SCN8A: variants seen among roughly 807,000 people sequenced by gnomAD.
The protein encoded by SCN8A is sodium voltage-gated channel alpha subunit 8.
Under a neutral mutation model 184.1 loss-of-function variants are expected in SCN8A, and 30 were observed. The ratio of observed to expected loss-of-function variants is 0.16; its 90% CI spans 0.12 to 0.22. SCN8A has a LOEUF of 0.22. Ranked by LOEUF, SCN8A falls within the 10% of genes least tolerant of loss-of-function variation. SCN8A has a pLI of 1.00. For synonymous variants in SCN8A, 852 were observed against 907.0 expected (o/e 0.94, Z 1.09); for missense variants, 1,057 against 2,498.9 (o/e 0.42, Z 12.30).
intron 1 of SCN8A, among the ~76,000 whole-genome samples, chr12:51,627,444 C>T (rs113360229): frequency 2.6e-5 from 4 of 152,170 alleles, no homozygotes; most frequent in East Asian, 3.8e-4. Context: ...TACAGTGGCA[C>T]GATCTCGGCT....
chr12:51,807,392 C>A lies in SCN8A; in HGVS notation c.5906C>A (p.Ala1969Asp). ...QRAEEGRRER[A>D]KRQKEVRESK... ...GCAGAGGAAGGAAGAAGGGAAAGAGCCAAAAGACAAAAAGAGGTCAGAGAA... is the reference window on the plus strand; with the variant it reads ...GCAGAGGAAGGAAGAAGGGAAAGAGACAAAAGACAAAAAGAGGTCAGAGAA... The change falls in exon 27 of 27, where the codon GCC (alanine) becomes GAC (aspartate). Residue 1969 changes from alanine (A) to aspartate (D), a missense_variant. Ala to Asp is a moderately radical substitution (Grantham distance 126, BLOSUM62 -2). Around this residue, in one of 19 missense-constraint regions of SCN8A, gnomAD observed 95 missense variants for 140.2 expected, o/e 0.68. Transcript: ENST00000627620. This position sits in a 1 kb window ranked among gnomAD's most constrained non-coding sequence, Gnocchi z 4.5. The A allele has an allele frequency of 6.2e-7, 1 of 1,612,308 alleles. No individual in the cohort carries two copies. The highest frequency in any genetic ancestry group is 8.5e-7 in the Non-Finnish European group (1 of 1,179,112).
At chr12:51,709,008 G>C (rs1480416652) in intron 11 of SCN8A, among the ~76,000 whole-genome samples, 2 of 152,144 alleles carry the variant, frequency 1.3e-5, no homozygotes, top group African/African-American at 4.8e-5. Context: ...GATATGCTGG[G>C]GGTGTTAGAA....
At chr12:51,737,271 G>A (rs966100229) in intron 12 of SCN8A, among the ~76,000 whole-genome samples, 3 of 152,190 alleles carry the variant, frequency 2.0e-5, no homozygotes, top group Non-Finnish European at 4.4e-5. Flanking sequence ...GGAAGAAAAA[G>A]CCACTCTACT....
intron 11 of SCN8A, among the ~76,000 whole-genome samples, chr12:51,720,608 A>AATC (rs1277889096): frequency 1.3e-5 from 2 of 152,162 alleles, no homozygotes; most frequent in African/African-American, 4.8e-5. Context: ...GTATAATAAT[A>AATC]ATAAAAGAAA....
intron 1 of SCN8A, among the ~76,000 whole-genome samples, chr12:51,617,157 G>A (rs1939857967): frequency 6.6e-6 from 1 of 151,986 alleles, no homozygotes; most frequent in African/African-American, 2.4e-5. Flanking sequence ...TCTTAAATTT[G>A]GGAAGTTTTA....
At chr12:51,804,940 G>GAA (rs1029360724) in intron 26 of SCN8A, among the ~76,000 whole-genome samples, 24 of 119,172 alleles carry the variant, frequency 2.0e-4, no homozygotes, top group Admixed American at 1.7e-3. Flanking sequence ...AAGATACTTT[G>GAA]AAAATTGCTA....
chr12:51,656,344 A>C (rs548944987), intron 1 of SCN8A, among the ~76,000 whole-genome samples: 1 of 152,326 alleles, frequency 6.6e-6, no homozygotes, highest in East Asian at 1.9e-4. Flanking sequence ...GAAAGGTAAA[A>C]TAATAAAGAT....
At chr12:51,706,363 T>G in intron 10 of SCN8A, 59 bp from the exon 11 acceptor site, 1 of 1,463,380 alleles carries the variant, frequency 6.8e-7, no homozygotes, top group East Asian at 2.4e-5. Flanking sequence ...ACTGGTTGGC[T>G]TTGGGTGGCT....
Position 51,675,316 on chromosome 12 carries a change from T to TGTAG in SCN8A, c.277-8855_277-8852dup, listed in dbSNP as rs1186307855. ...CAGGAAGGGTGGCAGCTACTCCAAA[T>TGTAG]GTAGGTTGGAGAGCATGGGGTTACA... On this transcript the variant is annotated intron_variant, in intron 2 of 26. Coordinates refer to ENST00000627620, the MANE Select transcript of SCN8A (RefSeq NM_001330260.2). Among the ~76,000 whole-genome samples the TGTAG allele has an allele frequency of 4.1e-4, 62 of 152,118 alleles. 1 individual carries two copies. Among genetic ancestry groups the TGTAG allele is most frequent in the African/African-American group, 1.5e-3 (61 of 41,412 alleles).
intron 21 of SCN8A, among the ~76,000 whole-genome samples, chr12:51,785,647 A>G (rs1336879399): frequency 6.6e-6 from 1 of 152,166 alleles, no homozygotes; most frequent in Non-Finnish European, 1.5e-5. Context: ...TTGATTCCTA[A>G]GGGGTTTTTT....
At chr12:51,727,842 C>T (rs1367856258) in intron 12 of SCN8A, among the ~76,000 whole-genome samples, 8 of 151,948 alleles carry the variant, frequency 5.3e-5, no homozygotes, top group South Asian at 2.1e-4. Flanking sequence ...CTCAGCTACT[C>T]GAGAGGCTGA....
intron 1 of SCN8A, among the ~76,000 whole-genome samples, chr12:51,640,416 C>T (rs1478908792): frequency 6.6e-6 from 1 of 151,424 alleles, no homozygotes; most frequent in Non-Finnish European, 1.5e-5. Context: ...TATGCCTGTA[C>T]TTTAAAGTAG....
intron 1 of SCN8A, among the ~76,000 whole-genome samples, chr12:51,658,825 T>C (rs987942770): frequency 2.0e-5 from 3 of 152,202 alleles, no homozygotes; most frequent in Non-Finnish European, 4.4e-5. Flanking sequence ...TTTTAAAAAA[T>C]ACGAGATGCT....
intron 1 of SCN8A, among the ~76,000 whole-genome samples, chr12:51,647,836 A>G (rs77637824): frequency 2.0e-5 from 3 of 152,186 alleles, no homozygotes; most frequent in Admixed American, 6.5e-5. Context: ...CTCTTCTCCT[A>G]TGATAAGAGC....
At chr12:51,774,440 T>C in intron 20 of SCN8A, 78 bp downstream of exon 20, 2 of 1,375,648 alleles carry the variant, frequency 1.5e-6, no homozygotes, top group East Asian at 2.3e-5. Flanking sequence ...CTAATGGCAG[T>C]AGCTGCCCTG....
intron 2 of SCN8A, among the ~76,000 whole-genome samples, chr12:51,673,966 T>A (rs1941177228): frequency 6.6e-6 from 1 of 152,090 alleles, no homozygotes; most frequent in South Asian, 2.1e-4. Context: ...AAAAAAAAAT[T>A]CACCTGTCAG....
At chr12:51,784,505 G>A (rs1938023139) in intron 21 of SCN8A, among the ~76,000 whole-genome samples, 2 of 152,200 alleles carry the variant, frequency 1.3e-5, no homozygotes, top group Non-Finnish European at 2.9e-5. Flanking sequence ...TTCTCAGTGA[G>A]CCAAGATTGC....
intron 14 of SCN8A, among the ~76,000 whole-genome samples, chr12:51,761,408 T>C (rs1942760056): frequency 6.6e-6 from 1 of 151,838 alleles, no homozygotes; most frequent in Non-Finnish European, 1.5e-5. Context: ...AGGAAAATTC[T>C]TTGAGGATGT....
chr12:51,619,915 A>G (rs1049052649), intron 1 of SCN8A, among the ~76,000 whole-genome samples: 1 of 152,216 alleles, frequency 6.6e-6, no homozygotes, highest in Non-Finnish European at 1.5e-5. Flanking sequence ...CTACACAAGC[A>G]TGTCTGTATT....
Sources: gnomAD v4.1 joint callset for allele counts (sites outside exome capture counted in the v4.1 genomes callset) on GRCh38, gnomAD v4.1.1 for gene constraint, gnomAD v4.1.1 regional missense constraint, Gnocchi (gnomAD v3.1) non-coding constraint, MANE v1.5 for transcripts, NCBI Gene and HGNC (gene_info 2026-07-23, HGNC 2026-07-21) for gene names.